The following CLIP1 variants were observed in gnomAD, a reference collection of about 807,000 sequenced individuals.
CLIP1 encodes the protein CAP-Gly domain-containing linker protein 1.
A neutral mutation model predicts 161.6 loss-of-function variants in CLIP1; 66 were observed. The ratio of observed to expected loss-of-function variants is 0.41; its 90% CI spans 0.33 to 0.50. The LOEUF is 0.50. CLIP1 is among the 20% of genes least tolerant of loss of function. The probability of loss-of-function intolerance (pLI) is 0.27; values close to 1 mark genes in which losing one functional copy is unlikely to be tolerated. For synonymous variants in CLIP1, 598 were observed against 626.2 expected, an observed-to-expected ratio of 0.96 and a Z score of 0.67; for missense variants, 1,376 against 1,702.0, an observed-to-expected ratio of 0.81 and a Z score of 3.37.
intron 12 of CLIP1, 58 bp downstream of exon 12, chr12:122,336,574 T>C: frequency 1.1e-6 from 1 of 893,330 alleles, no homozygotes; most frequent in Non-Finnish European, 1.8e-6. Context: ...ACTGGAGGAT[T>C]TTTTAAAACA....
intron 17 of CLIP1, among the ~76,000 whole-genome samples, chr12:122,321,692 T>C (rs11057514): frequency 0.48 from 73,097 of 151,816 alleles, 21,298 homozygotes; most frequent in Non-Finnish European, 0.63. Context: ...CTAATTACTG[T>C]ATTTTTTGTA....
At chr12:122,347,007 C>T (rs952104367) in intron 10 of CLIP1, among the ~76,000 whole-genome samples, 1 of 152,120 alleles carries the variant, frequency 6.6e-6, no homozygotes, top group African/African-American at 2.4e-5. Flanking sequence ...TTTAGAAAGC[C>T]TAGTAACTAG....
chr12:122,418,618 G>T (rs984914907), intron 1 of CLIP1, among the ~76,000 whole-genome samples: 3 of 152,064 alleles, frequency 2.0e-5, no homozygotes, highest in African/African-American at 7.2e-5. Flanking sequence ...AATTAGCCAG[G>T]CATGATAGCA....
chr12:122,288,609 A>G, intron 20 of CLIP1, 68 bp from the exon 21 acceptor site: 1 of 1,355,870 alleles, frequency 7.4e-7, no homozygotes, highest in South Asian at 1.2e-5. Context: ...CTCATCCCAC[A>G]TGTACATCCC....
intron 20 of CLIP1, among the ~76,000 whole-genome samples, chr12:122,299,398 C>T (rs190785828): frequency 2.1e-3 from 315 of 152,010 alleles, no homozygotes; most frequent in African/African-American, 6.9e-3. Context: ...AAAAGACTTT[C>T]AGGAACTGCA....
At chr12:122,317,734 C>T (rs184927872) in intron 18 of CLIP1, among the ~76,000 whole-genome samples, 1 of 152,274 alleles carries the variant, frequency 6.6e-6, no homozygotes, top group African/African-American at 2.4e-5. Context: ...GTCAGGAGTC[C>T]TAGAAAATGT....
chr12:122,351,565 G>C (rs1435815240), intron 8 of CLIP1, among the ~76,000 whole-genome samples: 2 of 152,172 alleles, frequency 1.3e-5, no homozygotes, highest in Non-Finnish European at 2.9e-5. Context: ...TATTTTCAAA[G>C]AAATCAGAGT....
intron 1 of CLIP1, among the ~76,000 whole-genome samples, chr12:122,383,965 C>A (rs1955125599): frequency 6.6e-6 from 1 of 152,190 alleles, no homozygotes; most frequent in Non-Finnish European, 1.5e-5. Flanking sequence ...CTCCCCCACC[C>A]TCCCAACATG....
rs71082966 is a variant in CLIP1 at position 122,330,597 on chromosome 12, G to GTTTTTTTTTTTT, written c.2868-2183_2868-2172dup. On this transcript the variant is annotated intron_variant, in intron 15 of 25. Transcript: ENST00000620786. ...TTCAGCACTGAAGAAGTATAATGCAGTTTTTTTTTTTTTTTTTTTTGAGAT... is the reference window on the plus strand; with the variant it reads ...TTCAGCACTGAAGAAGTATAATGCAGTTTTTTTTTTTTTTTTTTTTTTTTTTTTTTTTGAGAT... Among the ~76,000 whole-genome samples the GTTTTTTTTTTTT allele has an allele frequency of 7.9e-5, 8 of 101,380 alleles. 1 individual carries two copies. Among genetic ancestry groups the GTTTTTTTTTTTT allele is most frequent in the African/African-American group, 3.5e-4 (8 of 22,778 alleles). 66.5% of individuals were successfully genotyped at this position (101,380 alleles called of 152,430 possible).
At chr12:122,307,497 C>T (rs1284761835) in intron 20 of CLIP1, among the ~76,000 whole-genome samples, 1 of 152,188 alleles carries the variant, frequency 6.6e-6, no homozygotes, top group Non-Finnish European at 1.5e-5. Flanking sequence ...TCAATCTAGT[C>T]TCCACTGTCT....
At chr12:122,417,337 G>A (rs935621880) in intron 1 of CLIP1, among the ~76,000 whole-genome samples, 1 of 151,390 alleles carries the variant, frequency 6.6e-6, no homozygotes, top group Non-Finnish European at 1.5e-5. Flanking sequence ...TGTGTGTGGT[G>A]GTACACACCT....
chr12:122,315,192 C>T (rs1294447182), intron 19 of CLIP1, among the ~76,000 whole-genome samples: 1 of 152,166 alleles, frequency 6.6e-6, no homozygotes, highest in Non-Finnish European at 1.5e-5. Context: ...CAGTTTGGAA[C>T]TGATGTTTTT....
At position 122,380,858 on chromosome 12, in the gene CLIP1, G is replaced by C. The variant is rs554042908; in HGVS notation, c.-106-300C>G. Among the ~76,000 whole-genome samples the C allele has an allele frequency of 3.9e-5, 6 of 152,038 alleles. No individual in the cohort carries two copies. The South Asian group carries it at 1.2e-3, about 32-fold the overall frequency. On this transcript the variant is annotated intron_variant, in intron 1 of 25. Coordinates refer to ENST00000620786, the MANE Select transcript of CLIP1 (RefSeq NM_001247997.2). ...GGACTGTTTGAGGCCAGGAGTTCGA[G>C]ACCAGCCTGATCAATATAGCAAGAC...
intron 7 of CLIP1, among the ~76,000 whole-genome samples, chr12:122,354,150 T>C (rs1238524233): frequency 6.6e-6 from 1 of 151,780 alleles, no homozygotes; most frequent in African/African-American, 2.4e-5. Context: ...ATCCCAGCAC[T>C]TTGGGAGGCT....
In CLIP1 at chr12:122,276,405, CGT is replaced by C. The variant is rs1555253509; in HGVS notation, c.3966+1747_3966+1748del. Reference sequence around the variant, plus strand: ...AACCACACACACACACACACACACACGTGTGCACGCAAATTAGGAAACATGAA... The same window carrying C: ...AACCACACACACACACACACACACACGTGCACGCAAATTAGGAAACATGAA... On this transcript the variant is annotated intron_variant, in intron 24 of 25. Coordinates refer to ENST00000620786, the MANE Select transcript of CLIP1 (RefSeq NM_001247997.2). 1.4e-4 allele frequency: 177 copies of C among 1,287,792 alleles called. 1 individual carries two copies. The African/African-American group carries it at 1.7e-3, about 12-fold the overall frequency. 79.8% of individuals were successfully genotyped at this position (1,287,792 alleles called of 1,614,324 possible). A position where few individuals can be genotyped will look rare whatever the true frequency, so the allele number is the denominator to read the frequency against.
intron 1 of CLIP1, among the ~76,000 whole-genome samples, chr12:122,390,335 C>T (rs1468917981): frequency 4.7e-5 from 6 of 128,378 alleles, no homozygotes; most frequent in African/African-American, 9.1e-5. Flanking sequence ...TTTTTTTAAA[C>T]GGAGTCTCGC....
chr12:122,386,839 A>AG (rs1555279616), intron 1 of CLIP1, among the ~76,000 whole-genome samples: 227 of 150,292 alleles, frequency 1.5e-3, no homozygotes, highest in Middle Eastern at 3.4e-3. Context: ...AAAAAAAAAA[A>AG]AGAGAGAGAG....
Position 122,352,786 on chromosome 12 carries a change from C to T in CLIP1, c.1308G>A (p.Arg436=), listed in dbSNP as rs1368618647. 5 of 1,613,288 alleles carry T rather than the reference C, an allele frequency of 3.1e-6. No homozygotes were observed. The highest frequency in any genetic ancestry group is 1.6e-4 in the Middle Eastern group (1 of 6,062). Residue 436 remains arginine, a splice_region_variant and synonymous_variant, in exon 8 of 26, where the codon AGG becomes AGA. Transcript: ENST00000620786. ...CCCGGAACTGAAGGTCCTCAACCTT[C>T]CTGTGGAATAAAACCCAAACAAAAC... ...ELLNQLEEEK[R]KVEDLQFRVE...
At chr12:122,309,613 C>G (rs1950994131) in intron 20 of CLIP1, 149 bp downstream of exon 20, 2 of 888,278 alleles carry the variant, frequency 2.3e-6, no homozygotes, top group African/African-American at 3.4e-5. Context: ...CGTTTGAAAA[C>G]AAGGAGACAC....
Sources: allele counts gnomAD v4.1 joint callset (sites outside exome capture counted in the v4.1 genomes callset), GRCh38; gene constraint gnomAD v4.1.1; transcripts MANE v1.5; gene names NCBI Gene and HGNC (gene_info 2026-07-23, HGNC 2026-07-21).